Variants in ZNF750 observed in about 807,000 individuals in gnomAD.
ZNF750 encodes the protein protein ZNF750.
A neutral mutation model predicts 31.6 loss-of-function variants in ZNF750; 10 were observed. The ratio of observed to expected loss-of-function variants is 0.32; its 90% CI spans 0.19 to 0.54. The LOEUF (loss-of-function observed/expected upper bound fraction) is 0.54, where lower values mean the gene tolerates loss of function less well. Ranked by LOEUF, ZNF750 falls within the 20% of genes least tolerant of loss-of-function variation. ZNF750 has a pLI of 0.95. For synonymous variants in ZNF750, 400 were observed against 404.9 expected (o/e 0.99, Z 0.15); for missense variants, 914 against 934.9 (o/e 0.98, Z 0.29).
rs1217309575 is a variant in ZNF750, at chr17:82,830,893, A to G, written c.1437-16T>C. On this transcript the variant is annotated splice_polypyrimidine_tract_variant and intron_variant, in intron 2 of 2. Coordinates refer to ENST00000269394, the MANE Select transcript of ZNF750 (RefSeq NM_024702.3). The stretch of plus-strand genomic sequence containing the variant: ...AACATTGAGGCTAGAAGAAGCCAAG[A>G]AAAAGCTTAGTAGGAGCTTGCTTAG... The G allele has an allele frequency of 6.2e-7, 1 of 1,612,830 alleles. No homozygotes were observed. Among genetic ancestry groups the G allele is most frequent in the South Asian group, 1.1e-5 (1 of 91,076 alleles).
At chr17:82,836,129 G>T (rs565036635) in intron 1 of ZNF750, among the ~76,000 whole-genome samples, 3 of 152,386 alleles carry the variant, frequency 2.0e-5, no homozygotes, top group South Asian at 2.1e-4. Flanking sequence ...TATGGGCTCA[G>T]TCCCTACCGT....
At position 82,832,577 on chromosome 17, in the gene ZNF750, A is replaced by G. The variant is rs74002540; in HGVS notation, c.-123T>C. On this transcript the variant is annotated 5_prime_UTR_variant, in exon 2 of 3. It removes the in-frame stop codon of an upstream open reading frame in the 5' UTR. Coordinates refer to ENST00000269394, the MANE Select transcript of ZNF750 (RefSeq NM_024702.3). This position sits in a 1 kb window ranked among gnomAD's most constrained non-coding sequence, Gnocchi z 4.9. ...GCTTTCTTTCCCGATCACTTCTATCAGAAGCCAGCTCTGCGTGCTGAGGGT... is the reference window on the plus strand; with the variant it reads ...GCTTTCTTTCCCGATCACTTCTATCGGAAGCCAGCTCTGCGTGCTGAGGGT... 2,509 of 854,054 alleles carry G rather than the reference A, an allele frequency of 2.9e-3. 38 individuals carry two copies. The African/African-American group carries it at 0.036, about 12-fold the overall frequency. 52.9% of individuals were successfully genotyped at this position (854,054 alleles called of 1,614,324 possible). A position where few individuals can be genotyped will look rare whatever the true frequency, so the allele number is the denominator to read the frequency against.
intron 1 of ZNF750, among the ~76,000 whole-genome samples, chr17:82,834,403 A>C (rs1356225996): frequency 1.3e-5 from 2 of 152,246 alleles, no homozygotes; most frequent in Non-Finnish European, 2.9e-5. Context: ...TAAAAATGTA[A>C]AAAAGAAAAG....
At position 82,832,564 on chromosome 17, in the gene ZNF750, G is replaced by A. The variant is rs944780548; in HGVS notation, c.-110C>T. The A allele has an allele frequency of 6.1e-6, 6 of 983,034 alleles. No individual in the cohort carries two copies. The highest frequency in any genetic ancestry group is 4.8e-5 in the African/African-American group (3 of 62,798). 60.9% of individuals were successfully genotyped at this position (983,034 alleles called of 1,614,324 possible). On this transcript the variant is annotated 5_prime_UTR_variant, in exon 2 of 3. Coordinates refer to ENST00000269394, the MANE Select transcript of ZNF750 (RefSeq NM_024702.3). This position sits in a 1 kb window ranked among gnomAD's most constrained non-coding sequence, Gnocchi z 4.9. The stretch of plus-strand genomic sequence containing the variant: ...CACCTCCCGCTTTGCTTTCTTTCCC[G>A]ATCACTTCTATCAGAAGCCAGCTCT...
At position 82,833,179 on chromosome 17, in the gene ZNF750, T is replaced by C. The variant is rs1280260086; in HGVS notation, c.-182-543A>G. ...TTAACATGTACCCACAGTCACAGAG[T>C]GCCCCTCACTTTTACACAGAGCGTG... On this transcript the variant is annotated intron_variant, in intron 1 of 2. Coordinates refer to ENST00000269394, the MANE Select transcript of ZNF750 (RefSeq NM_024702.3). This position sits in a 1 kb window ranked among gnomAD's most constrained non-coding sequence, Gnocchi z 4.7. 6.6e-6 allele frequency among the ~76,000 whole-genome samples: 1 copy of C among 151,932 alleles called. No individual in the cohort carries two copies. Among genetic ancestry groups the C allele is most frequent in the African/African-American group, 2.4e-5 (1 of 41,356 alleles).
In ZNF750 at chr17:82,835,026, G is replaced by A. The variant is rs1313764929; in HGVS notation, c.-182-2390C>T. 3.9e-5 allele frequency among the ~76,000 whole-genome samples: 6 copies of A among 152,082 alleles called. No homozygotes were observed. The highest frequency in any genetic ancestry group is 7.2e-5 in the African/African-American group (3 of 41,392). On this transcript the variant is annotated intron_variant, in intron 1 of 2. Coordinates refer to ENST00000269394, the MANE Select transcript of ZNF750 (RefSeq NM_024702.3). This position sits in a 1 kb window ranked among gnomAD's most constrained non-coding sequence, Gnocchi z 4.5. ...TGCAGGGAGCTGTCATCCCACCACCGCACTGCAGCCTGGTGGGCAACAGAA... is the reference window on the plus strand; with the variant it reads ...TGCAGGGAGCTGTCATCCCACCACCACACTGCAGCCTGGTGGGCAACAGAA...
Position 82,830,324 on chromosome 17 carries a change from G to A in ZNF750, c.1990C>T (p.Arg664Trp), listed in dbSNP as rs144194892. 2.5e-6 allele frequency: 4 copies of A among 1,613,970 alleles called. No individual in the cohort carries two copies. In the African/African-American group the frequency reaches 5.3e-5, roughly 22 times the overall value. ...GAGCTCAGTGTGGGTGTGTCTTGCC[G>A]GCAGGCAGGTTCCGGGGCCGCAGCA... The part of the protein sequence containing the change: ...GDAAAPEPAC[R>W]QDTPTLSSME... Residue 664 changes from arginine to tryptophan, a missense_variant, in exon 3 of 3, where the codon CGG becomes TGG. By Grantham distance (101) the Arg-to-Trp change is moderately radical. This residue lies in a region of ZNF750 where 880 missense variants were observed against 868.9 expected (regional missense o/e 1.01). Transcript: ENST00000269394.
At chr17:82,839,179 G>C (rs2054245813) in intron 1 of ZNF750, among the ~76,000 whole-genome samples, 1 of 152,130 alleles carries the variant, frequency 6.6e-6, no homozygotes, top group Non-Finnish European at 1.5e-5. Context: ...AGTTAAACTA[G>C]ATAGTAAATT....
At position 82,829,972 on chromosome 17, in the gene ZNF750, T is replaced by G; in HGVS notation, c.*170A>C. 8.8e-7 allele frequency: 1 copy of G among 1,132,736 alleles called. No homozygotes were observed. The highest frequency in any genetic ancestry group is 1.2e-6 in the Non-Finnish European group (1 of 814,898). The allele number at this position is 1,132,736 out of a possible 1,614,324, so 70.2% of individuals were successfully genotyped here. ...CCTTTTAATATTCATGCTTAATATTTATAAAAACTGAATTGGAGGGTTTTT... is the reference window on the plus strand; with the variant it reads ...CCTTTTAATATTCATGCTTAATATTGATAAAAACTGAATTGGAGGGTTTTT... On this transcript the variant is annotated 3_prime_UTR_variant, in exon 3 of 3. Coordinates refer to ENST00000269394, the MANE Select transcript of ZNF750 (RefSeq NM_024702.3).
intron 1 of ZNF750, among the ~76,000 whole-genome samples, chr17:82,836,687 CAAAAA>C (rs559997152): frequency 6.0e-5 from 7 of 116,930 alleles, no homozygotes; most frequent in South Asian, 2.6e-4. Context: ...TACTTTTAGG[CAAAAA>C]AAAAAACAAA....
chr17:82,830,747 T>G lies in ZNF750; in HGVS notation c.1567A>C (p.Asn523His), dbSNP rs1489615644. The change falls in exon 3 of 3, where the codon AAC becomes CAC. Residue 523 changes from asparagine to histidine, a missense_variant. Physicochemically the swap from Asn to His is moderately conservative, Grantham distance 68 (BLOSUM62 1). Around this residue, in one of 2 missense-constraint regions of ZNF750, gnomAD observed 880 missense variants for 868.9 expected, o/e 1.01. Transcript: ENST00000269394. ...PLNLSKKSEI[N>H]LAATHEPTYQ... The stretch of plus-strand genomic sequence containing the variant: ...GTGGGTTCGTGGGTGGCTGCCAGGT[T>G]TATCTCTGATTTCTTGGAGAGGTTG... 1 of 1,613,886 alleles carries G rather than the reference T, an allele frequency of 6.2e-7. No homozygotes were observed. The highest frequency in any genetic ancestry group is 8.5e-7 in the Non-Finnish European group (1 of 1,180,024).
chr17:82,837,680 G>T (rs1224940502), intron 1 of ZNF750, among the ~76,000 whole-genome samples: 2 of 152,190 alleles, frequency 1.3e-5, no homozygotes, highest in Non-Finnish European at 2.9e-5. Flanking sequence ...TTTCCCACTG[G>T]ATCGGCAGGA....
chr17:82,837,094 C>T lies in ZNF750; in HGVS notation c.-183+2833G>A, dbSNP rs191287912. On this transcript the variant is annotated intron_variant, in intron 1 of 2. Coordinates refer to ENST00000269394, the MANE Select transcript of ZNF750 (RefSeq NM_024702.3). Reference sequence around the variant, plus strand: ...ACAGCTGCTTCAGTTGTAAGCCGGGCGTAGGTCACCTGATCTGTAAAACTA... The same window carrying T: ...ACAGCTGCTTCAGTTGTAAGCCGGGTGTAGGTCACCTGATCTGTAAAACTA... Among the ~76,000 whole-genome samples the T allele has an allele frequency of 2.6e-3, 390 of 152,292 alleles. 2 individuals carry two copies. Among genetic ancestry groups the T allele is most frequent in the African/African-American group, 9.2e-3 (382 of 41,560 alleles).
chr17:82,832,253 A>G lies in ZNF750; in HGVS notation c.202T>C (p.Ser68Pro). 1 of 1,614,204 alleles carries G rather than the reference A, an allele frequency of 6.2e-7. No homozygotes were observed. The highest frequency in any genetic ancestry group is 8.5e-7 in the Non-Finnish European group (1 of 1,180,038). ...EQDRVPKCPK[S>P]NSLDPKQTNQ... ...GTTTGCTTGGGGTCTAGTGAGTTAG[A>G]TTTAGGGCACTTGGGAACTCGATCC... is the stretch of plus-strand genomic sequence containing the variant. The change falls in exon 2 of 3, where the codon TCT becomes CCT. Residue 68 changes from serine to proline, a missense_variant. This residue lies in a region of ZNF750 where 880 missense variants were observed against 868.9 expected (regional missense o/e 1.01). Coordinates refer to ENST00000269394, the MANE Select transcript of ZNF750 (RefSeq NM_024702.3). This position sits in a 1 kb window ranked among gnomAD's most constrained non-coding sequence, Gnocchi z 4.9.
Position 82,830,415 on chromosome 17 carries a change from C to T in ZNF750, c.1899G>A (p.Thr633=), listed in dbSNP as rs373278721. ...AVDSSEEQKQ[T]AAVALCQLAA... Reference sequence around the variant, plus strand: ...CCAGCTGGCACAGGGCCACGGCTGCCGTCTGCTTCTGCTCCTCGCTGCTGT... The same window carrying T: ...CCAGCTGGCACAGGGCCACGGCTGCTGTCTGCTTCTGCTCCTCGCTGCTGT... Residue 633 remains threonine, a synonymous_variant, in exon 3 of 3, where the codon ACG becomes ACA. Transcript: ENST00000269394. 6.2e-6 allele frequency: 10 copies of T among 1,611,544 alleles called. No homozygotes were observed. The highest frequency in any genetic ancestry group is 1.6e-4 in the Middle Eastern group (1 of 6,084).
rs1379781798 is a variant in ZNF750 at position 82,833,633 on chromosome 17, C to T, written c.-182-997G>A. On this transcript the variant is annotated intron_variant, in intron 1 of 2. Transcript: ENST00000269394. The surrounding 1 kb of genome is among the most constrained non-coding windows in gnomAD (Gnocchi z 4.7). The stretch of plus-strand genomic sequence containing the variant: ...GGAGGCATGGCCAGCAGCGCCTGCC[C>T]GTCCAGATGCACCACCAAATGGAAG... Among the ~76,000 whole-genome samples, 3 of 152,178 alleles carry T rather than the reference C, an allele frequency of 2.0e-5. No individual in the cohort carries two copies. Among genetic ancestry groups the T allele is most frequent in the East Asian group, 3.9e-4 (2 of 5,186 alleles).
Position 82,830,449 on chromosome 17 carries a change from C to T in ZNF750, c.1865G>A (p.Cys622Tyr), listed in dbSNP as rs1267587330. The stretch of plus-strand genomic sequence containing the variant: ...CTGCTCCTCGCTGCTGTCCACCGCG[C>T]ATGCGTCTGGAGCCTCCTCGCCGGG... ...TGPGEEAPDA[C>Y]AVDSSEEQKQ... Residue 622 changes from cysteine (C) to tyrosine (Y), a missense_variant, in exon 3 of 3, where the codon TGC (cysteine) becomes TAC (tyrosine). Around this residue, in one of 2 missense-constraint regions of ZNF750, gnomAD observed 880 missense variants for 868.9 expected, o/e 1.01. Transcript: ENST00000269394. 3 of 1,612,502 alleles carry T rather than the reference C, an allele frequency of 1.9e-6. No homozygotes were observed. Among genetic ancestry groups the T allele is most frequent in the Non-Finnish European group, 2.5e-6 (3 of 1,179,898 alleles).
intron 1 of ZNF750, among the ~76,000 whole-genome samples, chr17:82,834,845 C>G (rs572941359): frequency 6.6e-6 from 1 of 152,038 alleles, no homozygotes; most frequent in Non-Finnish European, 1.5e-5. Flanking sequence ...GTAACCTACA[C>G]GTTCTGCACT....
Position 82,832,153 on chromosome 17 carries a change from T to C in ZNF750, c.302A>G (p.Lys101Arg). ...VANGLSAFDS[K>R]LQHSSAREDI... ...TTCCCTGGCAGAGCTGTGCTGAAGC[T>C]TCGAGTCGAAGGCAGAGAGTCCATT... The change falls in exon 2 of 3, where the codon AAG becomes AGG. Residue 101 changes from lysine (K) to arginine (R), a missense_variant. Transcript: ENST00000269394. The surrounding 1 kb of genome is among the most constrained non-coding windows in gnomAD (Gnocchi z 4.9). 1.2e-6 allele frequency: 2 copies of C among 1,614,194 alleles called. No individual in the cohort carries two copies. Among genetic ancestry groups the C allele is most frequent in the Non-Finnish European group, 1.7e-6 (2 of 1,180,030 alleles).
Sources: allele counts gnomAD v4.1 joint callset (sites outside exome capture counted in the v4.1 genomes callset), GRCh38; gene constraint gnomAD v4.1.1; regional missense constraint gnomAD v4.1.1; non-coding constraint Gnocchi (gnomAD v3.1); transcripts MANE v1.5; gene names NCBI Gene and HGNC (gene_info 2026-07-23, HGNC 2026-07-21).